Variants in PHACTR1 observed in about 807,000 individuals in gnomAD.
PHACTR1 encodes the protein phosphatase and actin regulator 1, also known as RPEL repeat containing 1.
Under a neutral mutation model 69.2 loss-of-function variants are expected in PHACTR1, and 16 were observed. The ratio of observed to expected loss-of-function variants is 0.23; its 90% CI spans 0.16 to 0.35. PHACTR1 has a LOEUF of 0.35. PHACTR1 is among the 10% of genes least tolerant of loss of function. PHACTR1 has a pLI of 1.00. For missense variants in PHACTR1, 510 were observed against 734.7 expected (o/e 0.69, Z 3.54); for synonymous variants, 312 against 284.5 (o/e 1.10, Z -0.97).
chr6:13,173,564 A>G lies in PHACTR1; in HGVS notation c.497-8955A>G, dbSNP rs138617249. On this transcript the variant is annotated intron_variant, in intron 6 of 14. Coordinates refer to ENST00000332995, the MANE Select transcript of PHACTR1 (RefSeq NM_030948.6). ...CATCGAGGAAATCCTTAGATAAATT[A>G]TTACTTAGTTAACTGTTACTCAACA... is the stretch of plus-strand genomic sequence containing the variant. Among the ~76,000 whole-genome samples, 194 of 152,320 alleles carry G rather than the reference A, an allele frequency of 1.3e-3. 1 individual carries two copies. Among genetic ancestry groups the G allele is most frequent in the Non-Finnish European group, 6.3e-4 (43 of 68,028 alleles).
intron 6 of PHACTR1, among the ~76,000 whole-genome samples, chr6:13,167,322 CT>C (rs1282049387): frequency 1.3e-5 from 2 of 152,200 alleles, no homozygotes; most frequent in Non-Finnish European, 2.9e-5. Flanking sequence ...CACTGAATTT[CT>C]CTATGAAGCC....
chr6:12,970,815 G>A (rs1794111845), intron 4 of PHACTR1, among the ~76,000 whole-genome samples: 1 of 152,116 alleles, frequency 6.6e-6, no homozygotes, highest in African/African-American at 2.4e-5. Context: ...TTTGCCAGCA[G>A]TATTATGATG....
intron 4 of PHACTR1, among the ~76,000 whole-genome samples, chr6:12,775,258 CT>C (rs1769912930): frequency 6.6e-6 from 1 of 151,020 alleles, no homozygotes; most frequent in Non-Finnish European, 1.5e-5. Flanking sequence ...AATCAATGTT[CT>C]ACTCTCAAAA....
At chr6:13,253,084 G>A (rs1302896716) in intron 10 of PHACTR1, 1 of 453,646 alleles carries the variant, frequency 2.2e-6, no homozygotes, top group Non-Finnish European at 4.4e-6. Flanking sequence ...GAAAGGATCG[G>A]GATTCCTGCC....
intron 4 of PHACTR1, among the ~76,000 whole-genome samples, chr6:12,897,484 A>T (rs1393119486): frequency 6.6e-6 from 1 of 151,816 alleles, no homozygotes; most frequent in South Asian, 2.1e-4. Context: ...TAAAGCCTCC[A>T]CCAATCCTGC....
intron 5 of PHACTR1, among the ~76,000 whole-genome samples, chr6:13,082,355 A>AC (rs747477568): frequency 9.2e-5 from 14 of 152,316 alleles, no homozygotes; most frequent in Non-Finnish European, 1.3e-4. Context: ...ATTAGCCAAC[A>AC]GTTTTGTGCC....
At chr6:13,117,474 A>G (rs770382101) in intron 5 of PHACTR1, among the ~76,000 whole-genome samples, 21 of 152,232 alleles carry the variant, frequency 1.4e-4, no homozygotes, top group Non-Finnish European at 2.4e-4. Flanking sequence ...ATTAAAATAC[A>G]TCCTTGGCTT....
chr6:13,182,104 G>A lies in PHACTR1; in HGVS notation c.497-415G>A, dbSNP rs141881515. ...CAAAATTAGCCGGGTGTGGTGGCAC[G>A]TGCCTGTAATCCCAGCTACTCAGGA... On this transcript the variant is annotated intron_variant, in intron 6 of 14. Transcript: ENST00000332995. 4.3e-3 allele frequency among the ~76,000 whole-genome samples: 658 copies of A among 152,028 alleles called. 5 individuals are homozygous for A. Among genetic ancestry groups the A allele is most frequent in the East Asian group, 0.024 (124 of 5,140 alleles).
chr6:12,820,156 C>T (rs184286465), intron 4 of PHACTR1, among the ~76,000 whole-genome samples: 46 of 152,246 alleles, frequency 3.0e-4, no homozygotes, highest in African/African-American at 1.1e-3. Flanking sequence ...AGTATTCACT[C>T]ATCAGTAAAC....
intron 4 of PHACTR1, among the ~76,000 whole-genome samples, chr6:12,970,622 G>A (rs1220981941): frequency 6.6e-6 from 1 of 152,140 alleles, no homozygotes; most frequent in Non-Finnish European, 1.5e-5. Flanking sequence ...CAGGCGTGGT[G>A]GTGTGTGCCT....
chr6:12,754,139 T>C (rs1766988525), intron 4 of PHACTR1, among the ~76,000 whole-genome samples: 1 of 146,244 alleles, frequency 6.8e-6, no homozygotes, highest in Admixed American at 6.8e-5. Context: ...TTTTTTTTTT[T>C]TTTTTTTGTA....
chr6:13,085,889 G>A (rs1812192862), intron 5 of PHACTR1, among the ~76,000 whole-genome samples: 1 of 151,898 alleles, frequency 6.6e-6, no homozygotes, highest in African/African-American at 2.4e-5. Context: ...AAAGCAGTAT[G>A]TAGAGGTAAA....
At chr6:13,249,464 G>A (rs909946173) in intron 10 of PHACTR1, among the ~76,000 whole-genome samples, 8 of 152,232 alleles carry the variant, frequency 5.3e-5, no homozygotes, top group African/African-American at 1.9e-4. Context: ...GGCCCCAGAA[G>A]ATTACATTTT....
In PHACTR1 at chr6:13,179,245, G is replaced by A. The variant is rs1561948445; in HGVS notation, c.497-3274G>A. On this transcript the variant is annotated intron_variant, in intron 6 of 14. Transcript: ENST00000332995. This position sits in a 1 kb window ranked among gnomAD's most constrained non-coding sequence, Gnocchi z 4.2. ...AGTGAGACCCTGTCTCAAACAAACA[G>A]CAACAACAACAACAACAAACCCAGT... Among the ~76,000 whole-genome samples, 1 of 151,786 alleles carries A rather than the reference G, an allele frequency of 6.6e-6. No individual in the cohort carries two copies. Among genetic ancestry groups the A allele is most frequent in the African/African-American group, 2.4e-5 (1 of 41,312 alleles).
chr6:12,771,125 G>C (rs992894640), intron 4 of PHACTR1, among the ~76,000 whole-genome samples: 1 of 152,200 alleles, frequency 6.6e-6, no homozygotes, highest in Non-Finnish European at 1.5e-5. Context: ...AGAGCAGCCC[G>C]AAACTAGAGG....
intron 4 of PHACTR1, among the ~76,000 whole-genome samples, chr6:12,797,029 GT>G (rs1773087883): frequency 8.0e-6 from 1 of 125,318 alleles, no homozygotes; most frequent in African/African-American, 2.7e-5. Flanking sequence ...GTGTGTGTGT[GT>G]GTGTGTGTGT....
At chr6:13,006,357 G>A (rs531202004) in intron 4 of PHACTR1, among the ~76,000 whole-genome samples, 13 of 152,188 alleles carry the variant, frequency 8.5e-5, no homozygotes, top group East Asian at 7.7e-4. Context: ...CTACCTAGCC[G>A]CTTTCTGAAT....
chr6:13,067,344 C>T (rs1263471863), intron 5 of PHACTR1, among the ~76,000 whole-genome samples: 1 of 152,154 alleles, frequency 6.6e-6, no homozygotes, highest in Non-Finnish European at 1.5e-5. Context: ...TCAAATATAT[C>T]GCATTTCAGA....
At chr6:13,032,790 A>G (rs72820865) in intron 4 of PHACTR1, among the ~76,000 whole-genome samples, 1 of 152,110 alleles carries the variant, frequency 6.6e-6, no homozygotes, top group Non-Finnish European at 1.5e-5. Flanking sequence ...TTTATTTTTT[A>G]TAGAGACAGG....
Sources: gnomAD v4.1 joint callset for allele counts (sites outside exome capture counted in the v4.1 genomes callset) on GRCh38, gnomAD v4.1.1 for gene constraint, Gnocchi (gnomAD v3.1) non-coding constraint, MANE v1.5 for transcripts, NCBI Gene and HGNC (gene_info 2026-07-23, HGNC 2026-07-21) for gene names.